The following SYNPO2 variants were observed in gnomAD, a reference collection of about 807,000 sequenced individuals.
SYNPO2 encodes synaptopodin-2.
Under a neutral mutation model 85.0 loss-of-function variants are expected in SYNPO2, and 56 were observed. The ratio of observed to expected loss-of-function variants is 0.66; its 90% CI spans 0.53 to 0.82. SYNPO2 has a LOEUF of 0.82. Among genes scored for constraint, SYNPO2 ranks in the 40% least tolerant of loss-of-function variants. The probability of loss-of-function intolerance (pLI) is 0.00; values close to 1 mark genes in which losing one functional copy is unlikely to be tolerated. For missense variants in SYNPO2, 1,575 were observed against 1,534.2 expected (o/e 1.03, Z -0.44); for synonymous variants, 602 against 591.1 (o/e 1.02, Z -0.27).
chr4:119,015,531 G>T (rs959201235), intron 1 of SYNPO2, among the ~76,000 whole-genome samples: 3 of 152,062 alleles, frequency 2.0e-5, no homozygotes, highest in African/African-American at 7.2e-5. Context: ...AGAAAAAAAA[G>T]CAATACAAGC....
intron 1 of SYNPO2, among the ~76,000 whole-genome samples, chr4:119,005,048 T>G (rs1044232367): frequency 2.0e-5 from 3 of 152,162 alleles, no homozygotes; most frequent in Non-Finnish European, 4.4e-5. Context: ...TCTGTTCATA[T>G]CCTTCGCCCA....
chr4:118,974,629 T>A (rs1273168942), intron 1 of SYNPO2, among the ~76,000 whole-genome samples: 2 of 152,234 alleles, frequency 1.3e-5, no homozygotes, highest in African/African-American at 4.8e-5. Context: ...CAATCAATGT[T>A]AATACTGAAA....
At chr4:118,885,953 A>G (rs186939799), upstream of SYNPO2, among the ~76,000 whole-genome samples, 40 of 152,348 alleles carry the variant, frequency 2.6e-4, no homozygotes, top group African/African-American at 9.4e-4. Context: ...ACTGTTAATT[A>G]TCAGTAAAAG....
chr4:119,059,770 A>C lies in SYNPO2; in HGVS notation c.*1836A>C, dbSNP rs886409064. The C allele has an allele frequency of 6.6e-6, 1 of 152,188 alleles. No homozygotes were observed. Among genetic ancestry groups the C allele is most frequent in the African/African-American group, 2.4e-5 (1 of 41,456 alleles). 9.4% of individuals were successfully genotyped at this position (152,188 alleles called of 1,614,324 possible). ...TAAAAAAAAAAAGTAAAGAAATCAC[A>C]GTAAGTTCTATTAGTGATGATAGAA... is the stretch of plus-strand genomic sequence containing the variant. On this transcript the variant is annotated 3_prime_UTR_variant, in exon 5 of 5. Coordinates refer to ENST00000307142, the MANE Select transcript of SYNPO2 (RefSeq NM_133477.3).
At chr4:119,050,458 T>C (rs1487069091) in intron 4 of SYNPO2, among the ~76,000 whole-genome samples, 1 of 152,210 alleles carries the variant, frequency 6.6e-6, no homozygotes, top group African/African-American at 2.4e-5. Flanking sequence ...ACTAGCTTTC[T>C]ACCCTTGGGG....
At chr4:118,928,592 T>C (rs935651903) in intron 1 of SYNPO2, among the ~76,000 whole-genome samples, 11 of 152,150 alleles carry the variant, frequency 7.2e-5, no homozygotes, top group African/African-American at 2.4e-4. Flanking sequence ...GTAGAAAGAT[T>C]AGACATTACC....
chr4:118,963,724 T>C (rs948275176), intron 1 of SYNPO2, among the ~76,000 whole-genome samples: 5 of 152,266 alleles, frequency 3.3e-5, no homozygotes, highest in Non-Finnish European at 7.3e-5. Flanking sequence ...AAATTAGTTT[T>C]AGTACATGCT....
intron 1 of SYNPO2, among the ~76,000 whole-genome samples, chr4:118,909,671 T>C (rs1733066904): frequency 6.6e-6 from 1 of 152,204 alleles, no homozygotes; most frequent in African/African-American, 2.4e-5. Context: ...GAGCAGAAGA[T>C]GTCAGTGAAC....
chr4:118,888,163 T>G (rs1404469338), upstream of SYNPO2, among the ~76,000 whole-genome samples: 1 of 152,154 alleles, frequency 6.6e-6, no homozygotes, highest in Non-Finnish European at 1.5e-5. Flanking sequence ...GATCAGCAGG[T>G]AGAAAGAAAA....
intron 1 of SYNPO2, among the ~76,000 whole-genome samples, chr4:118,973,786 GA>G (rs1206186595): frequency 3.9e-5 from 6 of 152,026 alleles, no homozygotes; most frequent in African/African-American, 1.5e-4. Flanking sequence ...AGAACTAAAA[GA>G]AGCCTAGTTT....
In SYNPO2 at chr4:119,049,909, C is replaced by A. The variant is rs116683665; in HGVS notation, c.3253-7492C>A. ...CCTACGGCCCGGTCACCTGCCTGTT[C>A]TTGTGACAAATGCCAAGATGCCAGT... On this transcript the variant is annotated intron_variant, in intron 4 of 4. Transcript: ENST00000307142. Among the ~76,000 whole-genome samples the A allele has an allele frequency of 7.5e-3, 1,136 of 152,282 alleles. 19 individuals are homozygous for A. The highest frequency in any genetic ancestry group is 0.026 in the African/African-American group (1,094 of 41,554).
chr4:119,049,103 G>A (rs887010778), intron 4 of SYNPO2, among the ~76,000 whole-genome samples: 4 of 152,176 alleles, frequency 2.6e-5, no homozygotes, highest in African/African-American at 9.7e-5. Context: ...TCAGATAGTG[G>A]ATGTATTTTG....
chr4:119,041,866 G>A (rs1738726150), intron 4 of SYNPO2, among the ~76,000 whole-genome samples: 1 of 152,154 alleles, frequency 6.6e-6, no homozygotes, highest in Admixed American at 6.5e-5. Context: ...GATTTACTAG[G>A]TTTGGGTGGG....
At chr4:119,029,235 G>A (rs537775778) in intron 3 of SYNPO2, among the ~76,000 whole-genome samples, 1 of 152,122 alleles carries the variant, frequency 6.6e-6, no homozygotes, top group South Asian at 2.1e-4. Flanking sequence ...TTAATTCAGT[G>A]TTTTGAATTT....
chr4:119,033,538 T>C, intron 4 of SYNPO2: 1 of 985,446 alleles, frequency 1.0e-6, no homozygotes, highest in Non-Finnish European at 1.2e-6. Flanking sequence ...AAAGCATTTA[T>C]GACAGCTCCA....
Position 118,912,656 on chromosome 4 carries a change from A to G in SYNPO2, c.105+23515A>G, listed in dbSNP as rs550523979. ...TTTTTTCCCTCTAATTATCCTTCCA[A>G]TGGAACTTATCTACCTGAAAGCCCT... On this transcript the variant is annotated intron_variant, in intron 1 of 4. Coordinates refer to ENST00000307142, the MANE Select transcript of SYNPO2 (RefSeq NM_133477.3). 3.3e-5 allele frequency among the ~76,000 whole-genome samples: 5 copies of G among 152,204 alleles called. No homozygotes were observed. The South Asian group carries it at 6.2e-4, about 19-fold the overall frequency.
intron 4 of SYNPO2, chr4:119,034,833 C>T (rs1738436115): frequency 2.0e-6 from 2 of 985,474 alleles, no homozygotes; most frequent in South Asian, 9.4e-5. Context: ...GAGAGTTAGA[C>T]CTCCAGACGT....
At chr4:118,911,279 C>T (rs530938435) in intron 1 of SYNPO2, among the ~76,000 whole-genome samples, 1 of 152,282 alleles carries the variant, frequency 6.6e-6, no homozygotes, top group Admixed American at 6.5e-5. Context: ...ATGCCTAGGT[C>T]CATTATCAGG....
chr4:118,986,510 G>A (rs144185963), intron 1 of SYNPO2, among the ~76,000 whole-genome samples: 6 of 152,242 alleles, frequency 3.9e-5, no homozygotes, highest in East Asian at 1.9e-4. Context: ...CCCGAAACTC[G>A]ACCTTCATCT....
Sources: gnomAD v4.1 joint callset for allele counts (sites outside exome capture counted in the v4.1 genomes callset) on GRCh38, gnomAD v4.1.1 for gene constraint, MANE v1.5 for transcripts, NCBI Gene and HGNC (gene_info 2026-07-23, HGNC 2026-07-21) for gene names.